The following ERMP1 variants were observed in gnomAD, a reference collection of about 807,000 sequenced individuals.
The protein encoded by ERMP1 is Felix-ina.
In ERMP1, 86 loss-of-function variants were observed where a neutral mutation model predicts 92.0. The observed-to-expected ratio is 0.93, with a 90% confidence interval of 0.79 to 1.12. The LOEUF (loss-of-function observed/expected upper bound fraction) is 1.12. Among genes scored for constraint, ERMP1 ranks in the 50% most tolerant of loss-of-function variants. The pLI is 0.00. For missense variants in ERMP1, 1,342 were observed against 1,116.3 expected, an observed-to-expected ratio of 1.20 and a Z score of -2.88; for synonymous variants, 530 against 412.8, an observed-to-expected ratio of 1.28 and a Z score of -3.44.
intron 6 of ERMP1, among the ~76,000 whole-genome samples, chr9:5,853,678 C>T (rs1206414531): frequency 6.6e-6 from 1 of 151,752 alleles, no homozygotes; most frequent in Non-Finnish European, 1.5e-5. Context: ...CCTCCCACTA[C>T]CCCCTGCCCA....
At chr9:5,851,770 C>G (rs959496569) in intron 6 of ERMP1, among the ~76,000 whole-genome samples, 1 of 152,184 alleles carries the variant, frequency 6.6e-6, no homozygotes, top group African/African-American at 2.4e-5. Flanking sequence ...CACACACATA[C>G]ACCCCACAAA....
rs753792654 is a variant in ERMP1 at position 5,785,836 on chromosome 9, G to A, written c.*1308C>T. On this transcript the variant is annotated 3_prime_UTR_variant, in exon 15 of 15. Transcript: ENST00000339450. ...TTGTCCTTGTTAAAACTCAAAATTT[G>A]TCCAACGTTTCACATTTCCTAATGA... 22 of 152,012 alleles carry A rather than the reference G, an allele frequency of 1.4e-4. No individual in the cohort carries two copies. Among genetic ancestry groups the A allele is most frequent in the Non-Finnish European group, 2.2e-4 (15 of 68,010 alleles). The allele number at this position is 152,012 out of a possible 1,614,324, so 9.4% of individuals were successfully genotyped here. A position where few individuals can be genotyped will look rare whatever the true frequency, so the allele number is the denominator to read the frequency against.
Position 5,823,804 on chromosome 9 carries a change from T to C in ERMP1, c.874+92A>G, listed in dbSNP as rs548536431. The stretch of plus-strand genomic sequence containing the variant: ...TAAAAAGAATGCTCATTCAAGAGAC[T>C]GTTTATTGAAGATATTATTTATAAT... On this transcript the variant is annotated intron_variant, in intron 4 of 14. Coordinates refer to ENST00000339450, the MANE Select transcript of ERMP1 (RefSeq NM_024896.3). The C allele has an allele frequency of 1.1e-5, 9 of 848,872 alleles. No homozygotes were observed. The East Asian group carries it at 2.0e-4, about 19-fold the overall frequency. The allele number at this position is 848,872 out of a possible 1,614,324, so 52.6% of individuals were successfully genotyped here.
At chr9:5,817,493 G>C (rs1462880787) in intron 4 of ERMP1, among the ~76,000 whole-genome samples, 1 of 152,364 alleles carries the variant, frequency 6.6e-6, no homozygotes, top group South Asian at 2.1e-4. Context: ...CCCGGCCAGA[G>C]CCTATGCTCT....
At chr9:5,821,717 G>A (rs749513544) in intron 4 of ERMP1, among the ~76,000 whole-genome samples, 21 of 152,188 alleles carry the variant, frequency 1.4e-4, no homozygotes, top group Non-Finnish European at 2.6e-4. Context: ...TCTCTGGATA[G>A]GAGCAGTATA....
intron 3 of ERMP1, among the ~76,000 whole-genome samples, chr9:5,824,465 C>T (rs954035574): frequency 2.6e-5 from 4 of 152,066 alleles, no homozygotes; most frequent in Non-Finnish European, 4.4e-5. Context: ...TGCAATGGCT[C>T]GATCTCGGAT....
chr9:5,804,009 ATG>A (rs1158308514), intron 10 of ERMP1, among the ~76,000 whole-genome samples: 6 of 152,120 alleles, frequency 3.9e-5, no homozygotes, highest in Admixed American at 3.9e-4. Context: ...GATGCTGACC[ATG>A]TGTGTAGTGT....
At chr9:5,859,609 T>G (rs1303521719) in exon 6 of ERMP1, among the ~76,000 whole-genome samples, 1 of 152,200 alleles carries the variant, frequency 6.6e-6, no homozygotes, top group African/African-American at 2.4e-5. Context: ...CAGTTGACAA[T>G]GCCTGTCATG....
chr9:5,817,410 G>A (rs751554850), intron 4 of ERMP1, among the ~76,000 whole-genome samples: 4 of 151,288 alleles, frequency 2.6e-5, no homozygotes, highest in African/African-American at 7.3e-5. Context: ...GGCTGGTCTC[G>A]AACTCCTGAC....
intron 11 of ERMP1, 152 bp from the exon 12 acceptor site, chr9:5,799,160 G>A (rs1016485440): frequency 3.4e-5 from 20 of 587,720 alleles, no homozygotes; most frequent in African/African-American, 7.5e-5. Context: ...TACTGCTAGC[G>A]TTCTTTATTT....
At chr9:5,827,770 T>C (rs931973434) in intron 2 of ERMP1, among the ~76,000 whole-genome samples, 3 of 151,378 alleles carry the variant, frequency 2.0e-5, no homozygotes, top group African/African-American at 7.3e-5. Flanking sequence ...TGAGCAGAGA[T>C]AGCGCCACTG....
At chr9:5,791,960 ATGGCAGT>A (rs1336280394) in intron 13 of ERMP1, among the ~76,000 whole-genome samples, 1 of 152,212 alleles carries the variant, frequency 6.6e-6, no homozygotes, top group Admixed American at 6.5e-5. Context: ...AAGTGGGAGG[ATGGCAGT>A]TGCTCACTTA....
Position 5,791,919 on chromosome 9 carries a change from T to C in ERMP1, c.2387-4326A>G, listed in dbSNP as rs143513714. On this transcript the variant is annotated intron_variant, in intron 13 of 14. Coordinates refer to ENST00000339450, the MANE Select transcript of ERMP1 (RefSeq NM_024896.3). The stretch of plus-strand genomic sequence containing the variant: ...CATAATCGTGATACAAGATGGTCAG[T>C]GTTACAACAGATATACACAAAGGGA... Among the ~76,000 whole-genome samples, 28 of 152,288 alleles carry C rather than the reference T, an allele frequency of 1.8e-4. No individual in the cohort carries two copies. In the East Asian group the frequency reaches 3.7e-3, roughly 20 times the overall value.
Position 5,812,895 on chromosome 9 carries a change from T to A in ERMP1, c.1015A>T (p.Ile339Phe). 1 of 1,613,996 alleles carries A rather than the reference T, an allele frequency of 6.2e-7. No homozygotes were observed. Among genetic ancestry groups the A allele is most frequent in the Non-Finnish European group, 8.5e-7 (1 of 1,179,874 alleles). The stretch of plus-strand genomic sequence containing the variant: ...GTAACCATTGACAATATACCTGGAA[T>A]GTTCCCAAAATCCCTGTAGATACGA... The part of the protein sequence containing the change: ...DFRIYRDFGN[I>F]PGIDLAFIEN... The change falls in exon 5 of 15, where the codon ATT (isoleucine) becomes TTT (phenylalanine). Residue 339 changes from isoleucine (I) to phenylalanine (F), a missense_variant. Physicochemically the swap from Ile to Phe is conservative, Grantham distance 21 (BLOSUM62 0). Transcript: ENST00000339450.
At chr9:5,865,237 T>G (rs1830616711) in intron 5 of ERMP1, among the ~76,000 whole-genome samples, 1 of 152,228 alleles carries the variant, frequency 6.6e-6, no homozygotes, top group African/African-American at 2.4e-5. Context: ...CTGGGCGCAG[T>G]GGCTTACGCC....
At position 5,812,883 on chromosome 9, in the gene ERMP1, A is replaced by G. The variant is rs199824716; in HGVS notation, c.1021+6T>C. On this transcript the variant is annotated splice_donor_region_variant and intron_variant, in intron 5 of 14. Coordinates refer to ENST00000339450, the MANE Select transcript of ERMP1 (RefSeq NM_024896.3). ...GCACAGTAGGCCGTAACCATTGACAATATACCTGGAATGTTCCCAAAATCC... is the reference window on the plus strand; with the variant it reads ...GCACAGTAGGCCGTAACCATTGACAGTATACCTGGAATGTTCCCAAAATCC... The G allele has an allele frequency of 2.2e-3, 3,517 of 1,613,972 alleles. 8 individuals carry two copies. The highest frequency in any genetic ancestry group is 2.6e-3 in the Non-Finnish European group (3,083 of 1,179,848).
At chr9:5,834,523 A>G (rs558636434), upstream of ERMP1, among the ~76,000 whole-genome samples, 12 of 152,338 alleles carry the variant, frequency 7.9e-5, no homozygotes, top group Non-Finnish European at 1.6e-4. Context: ...AGTGAATGAA[A>G]AAATGAAAAC....
chr9:5,792,985 C>G (rs900516440), intron 13 of ERMP1, among the ~76,000 whole-genome samples: 2 of 152,076 alleles, frequency 1.3e-5, no homozygotes, highest in African/African-American at 2.4e-5. Context: ...TTTTCCTATT[C>G]TTAATTGATC....
intron 8 of ERMP1, among the ~76,000 whole-genome samples, chr9:5,806,656 T>C (rs1336965440): frequency 6.6e-6 from 1 of 151,988 alleles, no homozygotes; most frequent in Non-Finnish European, 1.5e-5. Context: ...CTCAGCCTGG[T>C]CTCAAACACC....
Sources: allele counts gnomAD v4.1 joint callset (sites outside exome capture counted in the v4.1 genomes callset), GRCh38; gene constraint gnomAD v4.1.1; transcripts MANE v1.5; gene names NCBI Gene and HGNC (gene_info 2026-07-23, HGNC 2026-07-21).